CYP2C8: variants seen among roughly 807,000 people sequenced by gnomAD.
CYP2C8 encodes the protein cytochrome P450 2C8.
Under a neutral mutation model 41.3 loss-of-function variants are expected in CYP2C8, and 51 were observed. The observed-to-expected ratio is 1.24, with a 90% CI of 0.99 to 1.56. The LOEUF (loss-of-function observed/expected upper bound fraction) is 1.56. Among genes scored for constraint, CYP2C8 ranks in the 40% most tolerant of loss-of-function variants. CYP2C8 has a pLI of 0.00. For synonymous variants in CYP2C8, 218 were observed against 205.8 expected, an observed-to-expected ratio of 1.06 and a Z score of -0.51; for missense variants, 651 against 579.9, an observed-to-expected ratio of 1.12 and a Z score of -1.26.
chr10:95,062,021 C>T (rs1055917600), intron 4 of CYP2C8, among the ~76,000 whole-genome samples: 63 of 152,264 alleles, frequency 4.1e-4, no homozygotes, highest in African/African-American at 1.4e-3. Flanking sequence ...GTTGTAATTT[C>T]TGTTCTTTTA....
chr10:95,064,294 G>A (rs543510936), intron 4 of CYP2C8, among the ~76,000 whole-genome samples: 1 of 152,272 alleles, frequency 6.6e-6, no homozygotes, highest in African/African-American at 2.4e-5. Context: ...GAGCTTCCTG[G>A]TGGTTTTGTT....
intron 7 of CYP2C8, among the ~76,000 whole-genome samples, chr10:95,041,506 G>T (rs971619650): frequency 2.6e-5 from 4 of 152,230 alleles, no homozygotes; most frequent in African/African-American, 9.6e-5. Context: ...GCAAGGCCGG[G>T]CGCGGTGGCT....
At chr10:95,044,329 G>C (rs1000199094) in intron 6 of CYP2C8, among the ~76,000 whole-genome samples, 2 of 152,164 alleles carry the variant, frequency 1.3e-5, no homozygotes, top group African/African-American at 4.8e-5. Flanking sequence ...TTTGAATGCT[G>C]ATATTTTATA....
At chr10:95,038,835 C>T (rs1410790630) in intron 8 of CYP2C8, 62 bp downstream of exon 8, 1 of 1,542,222 alleles carries the variant, frequency 6.5e-7, no homozygotes, top group South Asian at 1.1e-5. Context: ...CATGTAAATT[C>T]CAACTAATTC....
Position 95,067,293 on chromosome 10 carries a change from C to T in CYP2C8, c.396G>A (p.Arg132=). 6.2e-7 allele frequency: 1 copy of T among 1,614,196 alleles called. No individual in the cohort carries two copies. The highest frequency in any genetic ancestry group is 8.5e-7 in the Non-Finnish European group (1 of 1,180,032). The stretch of plus-strand genomic sequence containing the variant: ...TGCTCCTCTTCCCCATCCCAAAATT[C>T]CGCAAGGTTGTGAGGGAGAAACGCC... ...EIRRFSLTTL[R]NFGMGKRSIE... The change falls in exon 3 of 9, where the codon CGG becomes CGA. Residue 132 remains arginine, a synonymous_variant. Transcript: ENST00000371270.
intron 5 of CYP2C8, among the ~76,000 whole-genome samples, chr10:95,050,272 C>T (rs1036617583): frequency 1.8e-4 from 28 of 152,188 alleles, no homozygotes; most frequent in African/African-American, 7.2e-5. Context: ...ACCAAATAGA[C>T]TTCTAAGGTT....
chr10:95,067,345 C>A lies in CYP2C8; in HGVS notation c.344G>T (p.Ser115Ile), dbSNP rs755391351. 2 of 1,609,168 alleles carry A rather than the reference C, an allele frequency of 1.2e-6. No individual in the cohort carries two copies. Among genetic ancestry groups the A allele is most frequent in the South Asian group, 2.2e-5 (2 of 90,764 alleles). Reference protein sequence around the residue: ...RITKGLGIISSNGKRWKEIRR... With the variant: ...RITKGLGIISINGKRWKEIRR... Reference sequence around the variant, plus strand: ...GATCTCCTTCCATCTCTTTCCATTGCTGGAAATGATTCCTAATAAAAAAAG... The same window carrying A: ...GATCTCCTTCCATCTCTTTCCATTGATGGAAATGATTCCTAATAAAAAAAG... Residue 115 changes from serine to isoleucine, a missense_variant, in exon 3 of 9, where the codon AGC (serine) becomes ATC (isoleucine). Ser to Ile is a moderately radical substitution (Grantham distance 142, BLOSUM62 -2). Transcript: ENST00000371270.
intron 4 of CYP2C8, among the ~76,000 whole-genome samples, chr10:95,064,127 G>A (rs979983732): frequency 2.0e-5 from 3 of 152,200 alleles, no homozygotes; most frequent in South Asian, 2.1e-4. Flanking sequence ...CATACTCCAT[G>A]CTGGGAGAAC....
chr10:95,064,451 G>T (rs1050495102), intron 4 of CYP2C8, among the ~76,000 whole-genome samples: 2 of 152,188 alleles, frequency 1.3e-5, no homozygotes, highest in East Asian at 3.9e-4. Context: ...TAATCTCCTG[G>T]TGTGCCATTT....
At position 95,042,902 on chromosome 10, in the gene CYP2C8, G is replaced by T; in HGVS notation, c.1137C>A (p.Tyr379Ter). Reference protein sequence around the residue: ...AVTTDTKFRNYLIPKGTTIMA... With the variant: ...AVTTDTKFRN ...GAAACAAGCTTACCTTGGGGATGAG[G>T]TAGTTTCTGAACTTAGTATCAGTGG... The change falls in exon 7 of 9, where the codon TAC becomes TAA. Residue 379 changes from tyrosine (Y) to a stop codon, truncating the protein, a stop_gained. Transcript: ENST00000371270. LOFTEE classifies it high-confidence loss of function. 6.2e-7 allele frequency: 1 copy of T among 1,613,478 alleles called. No individual in the cohort carries two copies. Among genetic ancestry groups the T allele is most frequent in the Non-Finnish European group, 8.5e-7 (1 of 1,179,378 alleles).
At chr10:95,056,610 C>T (rs147872173) in intron 5 of CYP2C8, among the ~76,000 whole-genome samples, 1 of 152,222 alleles carries the variant, frequency 6.6e-6, no homozygotes, top group Admixed American at 6.5e-5. Context: ...TCTTAGTTGA[C>T]CCTCCATATC....
At chr10:95,058,249 A>T in intron 5 of CYP2C8, 86 bp downstream of exon 5, 1 of 1,579,308 alleles carries the variant, frequency 6.3e-7, no homozygotes, top group Non-Finnish European at 8.7e-7. Context: ...CTGATCATTT[A>T]AACATCCTTA....
chr10:95,067,186 G>T (rs367887998), intron 3 of CYP2C8, 22 bp downstream of exon 3: 7 of 1,613,838 alleles, frequency 4.3e-6, no homozygotes, highest in Non-Finnish European at 5.1e-6. Flanking sequence ...TAAGGTCAAT[G>T]ACGCAGAGTA....
At chr10:95,039,095 G>A in intron 7 of CYP2C8, 57 bp from the exon 8 acceptor site, 22 of 1,474,864 alleles carry the variant, frequency 1.5e-5, no homozygotes, top group Non-Finnish European at 2.1e-5. Context: ...GTGAGGAGAA[G>A]TAGTGGACAT....
chr10:95,068,387 A>G (rs11572070), intron 1 of CYP2C8, among the ~76,000 whole-genome samples: 1,807 of 152,310 alleles, frequency 0.012, 14 homozygotes, highest in Non-Finnish European at 0.018. Flanking sequence ...TCAGAATCCA[A>G]AAGAATTCTG....
At position 95,058,502 on chromosome 10, in the gene CYP2C8, TA is replaced by T; in HGVS notation, c.651del (p.Asn217LysfsTer32). ...AAACAATCAATGAGTAGAGGGAAAT[TA>T]TTGCAGACCTAAAAGAGAAAAGAAT... is the stretch of plus-strand genomic sequence containing the variant. ...ILNSPWIQVC[N>X]NFPLLIDCFP... On this transcript the variant is annotated frameshift_variant, in exon 5 of 9. Transcript: ENST00000371270. LOFTEE classifies it high-confidence loss of function. 6.2e-7 allele frequency: 1 copy of T among 1,612,204 alleles called. No homozygotes were observed. The highest frequency in any genetic ancestry group is 1.7e-4 in the Middle Eastern group (1 of 6,042).
intron 4 of CYP2C8, among the ~76,000 whole-genome samples, chr10:95,060,278 T>A (rs960762988): frequency 3.5e-4 from 53 of 152,344 alleles, no homozygotes; most frequent in African/African-American, 1.2e-3. Flanking sequence ...CCCATGAGCA[T>A]GGAATGTTCT....
intron 5 of CYP2C8, among the ~76,000 whole-genome samples, chr10:95,056,913 T>C (rs2033325142): frequency 6.6e-6 from 1 of 152,026 alleles, no homozygotes; most frequent in Admixed American, 6.6e-5. Context: ...AACTCAGAGG[T>C]AGAAGAAAAC....
intron 4 of CYP2C8, among the ~76,000 whole-genome samples, chr10:95,061,061 T>G (rs1344771879): frequency 6.6e-6 from 1 of 152,246 alleles, no homozygotes; most frequent in African/African-American, 2.4e-5. Context: ...TATTGAGGAT[T>G]CTTGCATTGA....
Sources: allele counts gnomAD v4.1 joint callset (sites outside exome capture counted in the v4.1 genomes callset), GRCh38; gene constraint gnomAD v4.1.1; transcripts MANE v1.5; gene names NCBI Gene and HGNC (gene_info 2026-07-23, HGNC 2026-07-21).